CTNNA3: variants seen among roughly 807,000 people sequenced by gnomAD.
CTNNA3 encodes catenin alpha-3.
CTNNA3 carries 76 observed loss-of-function variants against 95.7 expected under a neutral mutation model. That is an observed-to-expected ratio of 0.79 (90% CI 0.66 to 0.96). CTNNA3 has a LOEUF of 0.96. CTNNA3 is among the 40% of genes least tolerant of loss of function. The pLI is 0.00. For missense variants in CTNNA3, 1,191 were observed against 1,089.8 expected (o/e 1.09, Z -1.31); for synonymous variants, 431 against 374.4 (o/e 1.15, Z -1.74).
At chr10:66,174,623 T>G (rs1389533643) in intron 13 of CTNNA3, among the ~76,000 whole-genome samples, 1 of 151,930 alleles carries the variant, frequency 6.6e-6, no homozygotes, top group Non-Finnish European at 1.5e-5. Context: ...AAATAGAGTA[T>G]TTGCAGGATG....
At chr10:67,507,900 A>G (rs1042716139) in intron 5 of CTNNA3, among the ~76,000 whole-genome samples, 2 of 152,224 alleles carry the variant, frequency 1.3e-5, no homozygotes, top group Non-Finnish European at 2.9e-5. Context: ...GAGAACAAAA[A>G]TCATATAAAC....
intron 15 of CTNNA3, among the ~76,000 whole-genome samples, chr10:66,003,310 CGGTGGTGGT>C (rs1003593936): frequency 6.8e-6 from 1 of 148,042 alleles, no homozygotes; most frequent in Non-Finnish European, 1.5e-5. Flanking sequence ...CTGCTGGTGG[CGGTGGTGGT>C]GGTGGTGGTG....
chr10:67,543,493 T>C (rs1007396032), intron 3 of CTNNA3, among the ~76,000 whole-genome samples: 4 of 152,096 alleles, frequency 2.6e-5, no homozygotes, highest in Non-Finnish European at 5.9e-5. Context: ...AAAGTGCTTA[T>C]ATTGATTATA....
At chr10:66,243,933 A>T (rs1372663400) in intron 13 of CTNNA3, among the ~76,000 whole-genome samples, 6 of 151,950 alleles carry the variant, frequency 3.9e-5, no homozygotes, top group Non-Finnish European at 8.8e-5. Context: ...GGATTAAAGC[A>T]CCAAGTGTGC....
chr10:67,280,308 G>T (rs2132440630), intron 5 of CTNNA3, among the ~76,000 whole-genome samples: 1 of 150,500 alleles, frequency 6.6e-6, no homozygotes, highest in East Asian at 1.9e-4. Flanking sequence ...GATGGACTTT[G>T]TCAGAAAATA....
intron 7 of CTNNA3, among the ~76,000 whole-genome samples, chr10:66,796,298 AATTTCAGT>A (rs1412652892): frequency 2.6e-5 from 4 of 152,026 alleles, no homozygotes; most frequent in Non-Finnish European, 4.4e-5. Context: ...TAATTGACCT[AATTTCAGT>A]ATTTCTGTGT....
intron 7 of CTNNA3, among the ~76,000 whole-genome samples, chr10:66,937,833 T>C (rs1453456267): frequency 1.3e-5 from 2 of 152,172 alleles, no homozygotes; most frequent in African/African-American, 2.4e-5. Flanking sequence ...TTTTCCAGAA[T>C]AGATCAAATT....
intron 13 of CTNNA3, among the ~76,000 whole-genome samples, chr10:66,233,477 T>A (rs1407260099): frequency 6.6e-6 from 1 of 152,120 alleles, no homozygotes; most frequent in Non-Finnish European, 1.5e-5. Context: ...ATAAATCAAT[T>A]TTAAAAATCA....
At chr10:65,943,556 G>T (rs1422590130) in intron 17 of CTNNA3, among the ~76,000 whole-genome samples, 1 of 152,150 alleles carries the variant, frequency 6.6e-6, no homozygotes, top group Non-Finnish European at 1.5e-5. Context: ...ATGGTAGGGC[G>T]TGGACACAAA....
chr10:66,785,435 G>A (rs912043199), intron 7 of CTNNA3, among the ~76,000 whole-genome samples: 2 of 152,182 alleles, frequency 1.3e-5, no homozygotes, highest in African/African-American at 4.8e-5. Context: ...TTGAGGGGCT[G>A]GGTAGAACAA....
chr10:66,916,917 A>C (rs1037550784), intron 7 of CTNNA3, among the ~76,000 whole-genome samples: 1 of 152,198 alleles, frequency 6.6e-6, no homozygotes, highest in African/African-American at 2.4e-5. Context: ...ATCTAAGGTG[A>C]CAGGATTATG....
chr10:67,505,875 A>G (rs886472127), intron 5 of CTNNA3, among the ~76,000 whole-genome samples: 3 of 152,242 alleles, frequency 2.0e-5, no homozygotes, highest in African/African-American at 7.2e-5. Flanking sequence ...CAGAATTTAT[A>G]TAGAGAATTT....
At chr10:66,763,307 AACAC>A (rs138081667) in intron 9 of CTNNA3, among the ~76,000 whole-genome samples, 4,559 of 145,266 alleles carry the variant, frequency 0.031, 193 homozygotes, top group African/African-American at 0.1. Context: ...TCATGAGATA[AACAC>A]ACACACACAC....
chr10:66,621,487 G>A (rs1269928432), intron 10 of CTNNA3, among the ~76,000 whole-genome samples: 1 of 151,706 alleles, frequency 6.6e-6, no homozygotes, highest in Non-Finnish European at 1.5e-5. Context: ...AGCCAGGCAT[G>A]GTGGCGCATG....
intron 14 of CTNNA3, among the ~76,000 whole-genome samples, chr10:66,094,217 G>A (rs535355920): frequency 3.7e-4 from 57 of 152,082 alleles, no homozygotes; most frequent in African/African-American, 1.3e-3. Flanking sequence ...ATGGTGTGAG[G>A]GTGAGCCTGA....
At chr10:66,005,073 G>T (rs1351774045) in intron 15 of CTNNA3, among the ~76,000 whole-genome samples, 1 of 152,100 alleles carries the variant, frequency 6.6e-6, no homozygotes, top group African/African-American at 2.4e-5. Context: ...TGTATTCCTT[G>T]GCTTGTGGAT....
At chr10:66,039,580 C>T (rs1469790313) in intron 15 of CTNNA3, among the ~76,000 whole-genome samples, 1 of 152,070 alleles carries the variant, frequency 6.6e-6, no homozygotes, top group Non-Finnish European at 1.5e-5. Context: ...TGCCCACACA[C>T]CTACAACCAT....
intron 10 of CTNNA3, among the ~76,000 whole-genome samples, chr10:66,615,527 T>TA (rs914806808): frequency 5.9e-5 from 9 of 151,854 alleles, no homozygotes; most frequent in Admixed American, 3.3e-4. Flanking sequence ...ATTAGTAAAG[T>TA]AAAAAAATAT....
intron 9 of CTNNA3, among the ~76,000 whole-genome samples, chr10:66,724,066 C>T (rs1848708838): frequency 6.6e-6 from 1 of 152,000 alleles, no homozygotes; most frequent in African/African-American, 2.4e-5. Context: ...CCTGTGTTTC[C>T]TCTAGTCAAG....
Sources: allele counts gnomAD v4.1 joint callset (sites outside exome capture counted in the v4.1 genomes callset), GRCh38; gene constraint gnomAD v4.1.1; transcripts MANE v1.5; gene names NCBI Gene and HGNC (gene_info 2026-07-23, HGNC 2026-07-21).